The following LRP1B variants were observed in gnomAD, a reference collection of about 807,000 sequenced individuals.
LRP1B encodes the protein LDL receptor related protein 1B, also known as low-density lipoprotein receptor-related protein 1B.
Under a neutral mutation model 556.6 loss-of-function variants are expected in LRP1B, and 217 were observed. The ratio of observed to expected loss-of-function variants is 0.39; its 90% CI spans 0.35 to 0.44. The LOEUF is 0.44. Ranked by LOEUF, LRP1B falls within the 20% of genes least tolerant of loss-of-function variation. The probability of loss-of-function intolerance (pLI) is 1.00; values close to 1 mark genes in which losing one functional copy is unlikely to be tolerated. For missense variants in LRP1B, 5,053 were observed against 5,620.8 expected, an observed-to-expected ratio of 0.90 and a Z score of 3.23; for synonymous variants, 2,047 against 1,865.8, an observed-to-expected ratio of 1.10 and a Z score of -2.50.
intron 1 of LRP1B, among the ~76,000 whole-genome samples, chr2:142,075,266 A>G (rs1032795965): frequency 6.6e-6 from 1 of 152,144 alleles, no homozygotes. Context: ...AACCATAGTA[A>G]TCAACAAACT....
chr2:140,814,181 T>G (rs529808529), intron 31 of LRP1B, among the ~76,000 whole-genome samples: 16 of 152,230 alleles, frequency 1.1e-4, no homozygotes, highest in African/African-American at 2.6e-4. Flanking sequence ...GCTCACTATT[T>G]TGCTCAGGCT....
At chr2:141,800,091 C>A (rs1695960121) in intron 2 of LRP1B, among the ~76,000 whole-genome samples, 1 of 152,130 alleles carries the variant, frequency 6.6e-6, no homozygotes, top group Non-Finnish European at 1.5e-5. Flanking sequence ...ATATCAACCA[C>A]AGGCCCTGTC....
chr2:140,535,566 A>G (rs1447212464), intron 46 of LRP1B, among the ~76,000 whole-genome samples: 3 of 152,108 alleles, frequency 2.0e-5, no homozygotes, highest in African/African-American at 7.2e-5. Flanking sequence ...GGATAATGGA[A>G]TAGAGGAGAA....
At chr2:141,425,135 G>C (rs1680308615) in intron 3 of LRP1B, among the ~76,000 whole-genome samples, 1 of 150,352 alleles carries the variant, frequency 6.7e-6, no homozygotes, top group African/African-American at 2.5e-5. Flanking sequence ...TGTTCTCATC[G>C]TTCAGTTCCC....
chr2:142,047,246 A>C (rs1704292495), intron 1 of LRP1B, among the ~76,000 whole-genome samples: 1 of 151,948 alleles, frequency 6.6e-6, no homozygotes, highest in Non-Finnish European at 1.5e-5. Context: ...GCCAACACAC[A>C]CGTACATGGA....
intron 1 of LRP1B, among the ~76,000 whole-genome samples, chr2:141,836,972 T>C (rs1396036590): frequency 6.6e-6 from 1 of 151,996 alleles, no homozygotes; most frequent in Non-Finnish European, 1.5e-5. Flanking sequence ...AGTTTATATG[T>C]GTAAATACAA....
At chr2:140,341,437 C>G (rs1681385758) in intron 77 of LRP1B, among the ~76,000 whole-genome samples, 1 of 151,356 alleles carries the variant, frequency 6.6e-6, no homozygotes, top group East Asian at 1.9e-4. Flanking sequence ...GACAACAGAG[C>G]CTTTGGAAGA....
chr2:140,379,420 G>C (rs1369413351), intron 67 of LRP1B, among the ~76,000 whole-genome samples: 1 of 152,174 alleles, frequency 6.6e-6, no homozygotes, highest in Non-Finnish European at 1.5e-5. Flanking sequence ...TCAGGGCAAG[G>C]CACGGTGGCT....
intron 11 of LRP1B, among the ~76,000 whole-genome samples, chr2:141,039,196 T>C (rs77358046): frequency 0.097 from 14,775 of 152,106 alleles, 794 homozygotes; most frequent in African/African-American, 0.13. Context: ...TGTTATTCAC[T>C]TACTGGCCAC....
chr2:140,949,888 G>GTAAGT, intron 20 of LRP1B, among the ~76,000 whole-genome samples: 1 of 79,798 alleles, frequency 1.3e-5, no homozygotes, highest in Non-Finnish European at 2.2e-5. Flanking sequence ...GCAGTGAGCC[G>GTAAGT]AGATGGCGCC....
At chr2:142,042,151 C>T (rs926962267) in intron 1 of LRP1B, among the ~76,000 whole-genome samples, 20 of 151,430 alleles carry the variant, frequency 1.3e-4, no homozygotes, top group African/African-American at 4.6e-4. Context: ...TTGGCCTTAA[C>T]TGAATGCTAC....
intron 2 of LRP1B, among the ~76,000 whole-genome samples, chr2:141,749,175 A>T (rs182871991): frequency 1.9e-3 from 296 of 152,308 alleles, no homozygotes; most frequent in Middle Eastern, 3.4e-3. Flanking sequence ...CATTATACAG[A>T]TGGGAAATTA....
At chr2:141,537,817 G>T (rs72853550) in intron 2 of LRP1B, among the ~76,000 whole-genome samples, 2 of 152,206 alleles carry the variant, frequency 1.3e-5, no homozygotes, top group African/African-American at 2.4e-5. Flanking sequence ...TTTATCTAGA[G>T]TGGGGAGCGG....
At chr2:140,354,188 T>C (rs1348269935) in intron 75 of LRP1B, among the ~76,000 whole-genome samples, 1 of 152,076 alleles carries the variant, frequency 6.6e-6, no homozygotes, top group Non-Finnish European at 1.5e-5. Context: ...AATTACCTAA[T>C]AAATCTGTGA....
chr2:141,912,129 T>C (rs941807395), intron 1 of LRP1B, among the ~76,000 whole-genome samples: 8 of 152,234 alleles, frequency 5.3e-5, no homozygotes, highest in Admixed American at 2.6e-4. Context: ...CTGTCACATA[T>C]GGCAGAGTTT....
chr2:141,956,047 A>C (rs906276433), intron 1 of LRP1B, among the ~76,000 whole-genome samples: 4 of 152,074 alleles, frequency 2.6e-5, no homozygotes, highest in African/African-American at 9.7e-5. Context: ...TCTTAAAAAA[A>C]AAAATCCCTG....
intron 37 of LRP1B, 52 bp from the exon 38 acceptor site, chr2:140,702,605 G>T (rs1356676465): frequency 1.9e-6 from 3 of 1,539,682 alleles, no homozygotes; most frequent in Non-Finnish European, 2.7e-6. Flanking sequence ...TTTGTAGTAT[G>T]CAGAGCTATG....
chr2:140,364,174 T>C lies in LRP1B; in HGVS notation c.11131+487A>G, dbSNP rs182918756. ...ATTTCAGTTCTGTGTTTAGGACTTGTAATGATATAGACAGATATGTGGATA... is the reference window on the plus strand; with the variant it reads ...ATTTCAGTTCTGTGTTTAGGACTTGCAATGATATAGACAGATATGTGGATA... On this transcript the variant is annotated intron_variant, in intron 72 of 90. Transcript: ENST00000389484. Among the ~76,000 whole-genome samples, 32 of 151,792 alleles carry C rather than the reference T, an allele frequency of 2.1e-4. No homozygotes were observed. In the East Asian group the frequency reaches 5.1e-3, roughly 24 times the overall value.
At position 141,228,582 on chromosome 2, in the gene LRP1B, AGTGTGT is replaced by A. The variant is rs3063860; in HGVS notation, c.850+595_850+600del. 8.0e-3 allele frequency among the ~76,000 whole-genome samples: 1,175 copies of A among 146,396 alleles called. 21 individuals carry two copies. The highest frequency in any genetic ancestry group is 0.028 in the African/African-American group (1,105 of 39,692). On this transcript the variant is annotated intron_variant, in intron 6 of 90. Transcript: ENST00000389484. ...GCATCCCTGGGTGTCTGTGTGTATG[AGTGTGT>A]GTGTGTGTGTGTGTGTGTGTGTATG...
Sources: gnomAD v4.1 joint callset for allele counts (sites outside exome capture counted in the v4.1 genomes callset) on GRCh38, gnomAD v4.1.1 for gene constraint, MANE v1.5 for transcripts, NCBI Gene and HGNC (gene_info 2026-07-23, HGNC 2026-07-21) for gene names.